The following SPATS2L variants were observed in gnomAD, a reference collection of about 807,000 sequenced individuals.
SPATS2L encodes spermatogenesis associated serine rich 2 like.
Under a neutral mutation model 59.6 loss-of-function variants are expected in SPATS2L, and 30 were observed. That is an observed-to-expected ratio of 0.50 (90% CI 0.38 to 0.68). SPATS2L has a LOEUF of 0.68. Among genes scored for constraint, SPATS2L ranks in the 30% least tolerant of loss-of-function variants. The probability of loss-of-function intolerance (pLI) is 0.00; values close to 1 mark genes in which losing one functional copy is unlikely to be tolerated. For missense variants in SPATS2L, 615 were observed against 700.0 expected (o/e 0.88, Z 1.37); for synonymous variants, 252 against 263.5 (o/e 0.96, Z 0.42).
chr2:200,465,253 G>A (rs185481363), intron 9 of SPATS2L, among the ~76,000 whole-genome samples: 18 of 152,360 alleles, frequency 1.2e-4, no homozygotes, highest in Non-Finnish European at 1.8e-4. Context: ...GGCTTCAGCC[G>A]TTTGTCACCA....
At chr2:200,354,314 A>G (rs2080838190) in intron 2 of SPATS2L, among the ~76,000 whole-genome samples, 1 of 152,220 alleles carries the variant, frequency 6.6e-6, no homozygotes. Context: ...GCCCTAGTAA[A>G]GAATCAAGTT....
chr2:200,436,897 C>T (rs2084333151), intron 6 of SPATS2L, among the ~76,000 whole-genome samples: 1 of 152,130 alleles, frequency 6.6e-6, no homozygotes, highest in African/African-American at 2.4e-5. Context: ...GCAGATCCCT[C>T]ATGAATGGTT....
chr2:200,442,398 G>T (rs2084760028), intron 8 of SPATS2L, among the ~76,000 whole-genome samples: 1 of 152,114 alleles, frequency 6.6e-6, no homozygotes, highest in African/African-American at 2.4e-5. Context: ...TGGCCTTAAG[G>T]TCTCTATGCA....
intron 2 of SPATS2L, among the ~76,000 whole-genome samples, chr2:200,381,881 C>T (rs1244470841): frequency 1.3e-5 from 2 of 152,164 alleles, no homozygotes; most frequent in Non-Finnish European, 2.9e-5. Context: ...ACTTTAATTA[C>T]TCTTAGTAAT....
chr2:200,464,340 A>G (rs2106204493), intron 9 of SPATS2L, among the ~76,000 whole-genome samples: 1 of 152,372 alleles, frequency 6.6e-6, no homozygotes, highest in Admixed American at 6.5e-5. Context: ...GCATTTTAAC[A>G]CTTGCTGATC....
At chr2:200,444,893 T>A (rs1386500073) in intron 8 of SPATS2L, among the ~76,000 whole-genome samples, 1 of 152,100 alleles carries the variant, frequency 6.6e-6, no homozygotes, top group Non-Finnish European at 1.5e-5. Context: ...TCTTTTTTTT[T>A]AACTATGGAA....
chr2:200,412,326 T>G lies in SPATS2L; in HGVS notation c.55T>G (p.Ser19Ala), dbSNP rs749273614. 3 of 1,587,454 alleles carry G rather than the reference T, an allele frequency of 1.9e-6. No homozygotes were observed. In the East Asian group the frequency reaches 6.7e-5, roughly 36 times the overall value. The part of the protein sequence containing the change: ...NVKEKIYAVR[S>A]VVPNKSNNEI... ...TCCTTTACAGATCTATGCAGTTAGATCAGTTGTTCCCAACAAAAGCAATAA... is the reference window on the plus strand; with the variant it reads ...TCCTTTACAGATCTATGCAGTTAGAGCAGTTGTTCCCAACAAAAGCAATAA... Residue 19 changes from serine (S) to alanine (A), a missense_variant, in exon 4 of 13, where the codon TCA (serine) becomes GCA (alanine). Physicochemically the swap from Ser to Ala is moderately conservative, Grantham distance 99. Around this residue, in one of 3 missense-constraint regions of SPATS2L, gnomAD observed 227 missense variants for 257.4 expected, o/e 0.88. Transcript: ENST00000409140.
At chr2:200,413,918 G>T (rs1300012470) in intron 4 of SPATS2L, among the ~76,000 whole-genome samples, 1 of 152,182 alleles carries the variant, frequency 6.6e-6, no homozygotes, top group East Asian at 1.9e-4. Flanking sequence ...AAATAGTAGA[G>T]AATGCAGTAT....
At chr2:200,372,585 G>A (rs1015230950) in intron 2 of SPATS2L, among the ~76,000 whole-genome samples, 1 of 152,022 alleles carries the variant, frequency 6.6e-6, no homozygotes, top group African/African-American at 2.4e-5. Context: ...TTACATCTAC[G>A]ATTCTAATTT....
intron 3 of SPATS2L, among the ~76,000 whole-genome samples, chr2:200,403,160 A>T (rs1381032273): frequency 4.6e-5 from 7 of 152,082 alleles, no homozygotes; most frequent in Non-Finnish European, 1.0e-4. Flanking sequence ...GCCACCTTAG[A>T]CTCCCTTAAT....
intron 8 of SPATS2L, among the ~76,000 whole-genome samples, chr2:200,441,079 A>AT (rs2084665571): frequency 6.6e-6 from 1 of 152,202 alleles, no homozygotes; most frequent in East Asian, 1.9e-4. Flanking sequence ...AAAAAATAGT[A>AT]TTTTTGACAA....
chr2:200,392,480 C>T (rs733365), intron 3 of SPATS2L, among the ~76,000 whole-genome samples: 60,778 of 151,884 alleles, frequency 0.4, 12,453 homozygotes, highest in East Asian at 0.55. Context: ...TTGTAATAAA[C>T]GAGTAAATGT....
At chr2:200,315,128 G>A (rs761459658) in intron 1 of SPATS2L, among the ~76,000 whole-genome samples, 2 of 152,182 alleles carry the variant, frequency 1.3e-5, no homozygotes, top group Non-Finnish European at 2.9e-5. Flanking sequence ...CATCCTGTAC[G>A]AGCCAAGCCC....
At chr2:200,448,159 C>T (rs561216362) in intron 8 of SPATS2L, among the ~76,000 whole-genome samples, 63 of 152,138 alleles carry the variant, frequency 4.1e-4, no homozygotes, top group African/African-American at 1.4e-3. Context: ...AACAAACAAA[C>T]GGGTGGGCAC....
Position 200,478,436 on chromosome 2 carries a change from G to A in SPATS2L, c.*405G>A, listed in dbSNP as rs2087693741. ...CAAACATGATCTGCTGAGGACACAT[G>A]CGCTTTTGTAGAATTTAACATCTGG... On this transcript the variant is annotated 3_prime_UTR_variant, in exon 13 of 13. Transcript: ENST00000409140. 1 of 156,700 alleles carries A rather than the reference G, an allele frequency of 6.4e-6. No individual in the cohort carries two copies. The highest frequency in any genetic ancestry group is 1.4e-5 in the Non-Finnish European group (1 of 71,090). 9.7% of individuals were successfully genotyped at this position (156,700 alleles called of 1,614,324 possible).
intron 2 of SPATS2L, among the ~76,000 whole-genome samples, chr2:200,340,607 G>C (rs1228396955): frequency 6.6e-6 from 1 of 152,082 alleles, no homozygotes; most frequent in Non-Finnish European, 1.5e-5. Flanking sequence ...GGGCTGTGGA[G>C]AGGCACAGCC....
chr2:200,335,326 C>T (rs372789752), intron 2 of SPATS2L, among the ~76,000 whole-genome samples: 7 of 151,180 alleles, frequency 4.6e-5, no homozygotes, highest in Middle Eastern at 3.4e-3. Context: ...TGCAGTGAGC[C>T]GAGATTGCGC....
At chr2:200,414,646 C>A (rs1225666721) in intron 4 of SPATS2L, among the ~76,000 whole-genome samples, 4 of 151,746 alleles carry the variant, frequency 2.6e-5, no homozygotes, top group Non-Finnish European at 5.9e-5. Context: ...GAAAAAAAAA[C>A]CAAAACCATA....
At chr2:200,434,681 T>C (rs1574521704) in intron 6 of SPATS2L, among the ~76,000 whole-genome samples, 1 of 152,102 alleles carries the variant, frequency 6.6e-6, no homozygotes, top group South Asian at 2.1e-4. Flanking sequence ...AACTATAAAA[T>C]GATGCTAAAG....
Sources: allele counts gnomAD v4.1 joint callset (sites outside exome capture counted in the v4.1 genomes callset), GRCh38; gene constraint gnomAD v4.1.1; regional missense constraint gnomAD v4.1.1; transcripts MANE v1.5; gene names NCBI Gene and HGNC (gene_info 2026-07-23, HGNC 2026-07-21).